RBM20: variants seen among roughly 807,000 people sequenced by gnomAD.
RBM20 encodes RNA binding motif protein 20.
Under a neutral mutation model 110.1 loss-of-function variants are expected in RBM20, and 51 were observed. That is an observed-to-expected ratio of 0.46 (90% CI 0.37 to 0.59). The LOEUF is 0.59. Ranked by LOEUF, RBM20 falls within the 20% of genes least tolerant of loss-of-function variation. RBM20 has a pLI of 0.00. For missense variants in RBM20, 1,512 were observed against 1,574.9 expected (o/e 0.96, Z 0.68); for synonymous variants, 589 against 618.2 (o/e 0.95, Z 0.70).
At chr10:110,691,289 T>G (rs1172720625) in intron 1 of RBM20, among the ~76,000 whole-genome samples, 1 of 152,224 alleles carries the variant, frequency 6.6e-6, no homozygotes, top group East Asian at 1.9e-4. Context: ...TGGCAATTTG[T>G]TATAGCACCT....
rs192245412 is a variant in RBM20 at position 110,774,650 on chromosome 10, C to T, written c.192-6151C>T. Among the ~76,000 whole-genome samples the T allele has an allele frequency of 2.1e-3, 314 of 151,810 alleles. 3 individuals carry two copies. Among genetic ancestry groups the T allele is most frequent in the Non-Finnish European group, 3.5e-3 (240 of 67,926 alleles). ...AGGACGCCAACTTCATTGGCTTTTGCGGTTTTTTGTTTGTTTGTTTTTTGT... is the reference window on the plus strand; with the variant it reads ...AGGACGCCAACTTCATTGGCTTTTGTGGTTTTTTGTTTGTTTGTTTTTTGT... On this transcript the variant is annotated intron_variant, in intron 1 of 13. Coordinates refer to ENST00000369519, the MANE Select transcript of RBM20 (RefSeq NM_001134363.3).
intron 1 of RBM20, among the ~76,000 whole-genome samples, chr10:110,718,622 CT>C (rs1370907526): frequency 5.3e-4 from 32 of 60,120 alleles, no homozygotes; most frequent in South Asian, 6.0e-4. Context: ...TTTTTTTTTT[CT>C]TTTTTTTTTT....
intron 1 of RBM20, among the ~76,000 whole-genome samples, chr10:110,752,937 ATATATATATTTTTTTTT>A: frequency 1.2e-5 from 1 of 80,446 alleles, no homozygotes; most frequent in African/African-American, 4.8e-5. Context: ...ATATATATAT[ATATATATATTTTTTTTT>A]TTTTTATGAA....
chr10:110,718,855 A>G (rs528646327), intron 1 of RBM20, among the ~76,000 whole-genome samples: 10 of 152,056 alleles, frequency 6.6e-5, no homozygotes, highest in Non-Finnish European at 1.3e-4. Context: ...ACTTCAAGTT[A>G]TCCACCCATC....
chr10:110,652,001 A>G (rs1345819073), intron 1 of RBM20, among the ~76,000 whole-genome samples: 1 of 152,262 alleles, frequency 6.6e-6, no homozygotes, highest in African/African-American at 2.4e-5. Flanking sequence ...AAGTCTTCAA[A>G]TATGTACATA....
At chr10:110,758,014 C>CTTTTTTGTTTTTTTTT (rs1843943426) in intron 1 of RBM20, among the ~76,000 whole-genome samples, 1 of 79,908 alleles carries the variant, frequency 1.3e-5, no homozygotes, top group East Asian at 4.2e-4. Context: ...GATCCTTGTT[C>CTTTTTTGTTTTTTTTT]TTTTTTTTTT....
intron 1 of RBM20, among the ~76,000 whole-genome samples, chr10:110,691,928 T>C (rs749861782): frequency 2.0e-5 from 3 of 152,244 alleles, no homozygotes; most frequent in Non-Finnish European, 4.4e-5. Context: ...AATCTCAAGT[T>C]CTGGTCTTTG....
At chr10:110,766,119 A>T (rs1227000731) in intron 1 of RBM20, among the ~76,000 whole-genome samples, 1 of 152,112 alleles carries the variant, frequency 6.6e-6, no homozygotes, top group African/African-American at 2.4e-5. Context: ...AGTAAAAAAA[A>T]TCAGTCTTCA....
chr10:110,735,944 C>T (rs1843666043), intron 1 of RBM20, among the ~76,000 whole-genome samples: 1 of 152,216 alleles, frequency 6.6e-6, no homozygotes, highest in Non-Finnish European at 1.5e-5. Flanking sequence ...CAAGCTTAGG[C>T]TTTGAAGATA....
intron 5 of RBM20, among the ~76,000 whole-genome samples, chr10:110,796,694 A>G (rs1367040074): frequency 6.6e-6 from 1 of 152,206 alleles, no homozygotes; most frequent in African/African-American, 2.4e-5. Flanking sequence ...TCAAGGCTGC[A>G]GTGAGCTATG....
intron 1 of RBM20, among the ~76,000 whole-genome samples, chr10:110,699,674 C>T (rs543511742): frequency 7.9e-5 from 12 of 152,186 alleles, no homozygotes; most frequent in African/African-American, 2.9e-4. Flanking sequence ...ACGGTGGTCC[C>T]CCCTTATCCA....
intron 1 of RBM20, among the ~76,000 whole-genome samples, chr10:110,645,707 A>G (rs1054664717): frequency 2.6e-5 from 4 of 152,240 alleles, no homozygotes; most frequent in African/African-American, 9.6e-5. Context: ...AGACTGATTT[A>G]TCTAATAGAA....
At chr10:110,752,943 ATATTTT>A (rs1213563166) in intron 1 of RBM20, among the ~76,000 whole-genome samples, 55 of 95,028 alleles carry the variant, frequency 5.8e-4, no homozygotes, top group Middle Eastern at 5.4e-3. Context: ...ATATATATAT[ATATTTT>A]TTTTTTTTTT....
intron 1 of RBM20, among the ~76,000 whole-genome samples, chr10:110,680,002 T>C (rs559668751): frequency 6.6e-6 from 1 of 152,328 alleles, no homozygotes; most frequent in East Asian, 1.9e-4. Context: ...TCTCATATTT[T>C]GAGATAAGGG....
chr10:110,676,299 C>T (rs888002480), intron 1 of RBM20, among the ~76,000 whole-genome samples: 3 of 152,140 alleles, frequency 2.0e-5, no homozygotes, highest in African/African-American at 4.8e-5. Context: ...TTCCTGACGG[C>T]GCTGACAGAT....
At chr10:110,728,065 G>C (rs1564827276) in intron 1 of RBM20, among the ~76,000 whole-genome samples, 1 of 152,154 alleles carries the variant, frequency 6.6e-6, no homozygotes, top group Non-Finnish European at 1.5e-5. Flanking sequence ...TGGGCATTTG[G>C]GTTGGTTCCA....
intron 1 of RBM20, among the ~76,000 whole-genome samples, chr10:110,742,432 A>G (rs1044003290): frequency 6.6e-6 from 1 of 152,326 alleles, no homozygotes; most frequent in African/African-American, 2.4e-5. Flanking sequence ...GTTTTGCTGC[A>G]TGAACCACTG....
chr10:110,726,175 G>A (rs17829728), intron 1 of RBM20, among the ~76,000 whole-genome samples: 14,242 of 152,188 alleles, frequency 0.094, 925 homozygotes, highest in Non-Finnish European at 0.13. Context: ...TCCTGCTCCT[G>A]ATGACTGGTT....
chr10:110,828,805 GT>G (rs956179711), intron 12 of RBM20, among the ~76,000 whole-genome samples: 3 of 151,476 alleles, frequency 2.0e-5, no homozygotes, highest in African/African-American at 4.9e-5. Context: ...GGCTTCCAAG[GT>G]TTTTTTTTGT....
Sources: allele counts gnomAD v4.1 joint callset (sites outside exome capture counted in the v4.1 genomes callset), GRCh38; gene constraint gnomAD v4.1.1; transcripts MANE v1.5; gene names NCBI Gene and HGNC (gene_info 2026-07-23, HGNC 2026-07-21).